Variants in NHEJ1 observed in about 807,000 individuals in gnomAD.
The protein encoded by NHEJ1 is non-homologous end joining factor 1, also known as non-homologous end-joining factor 1.
In NHEJ1, 22 loss-of-function variants were observed where a neutral mutation model predicts 39.4. The observed-to-expected ratio is 0.56, with a 90% CI of 0.40 to 0.80. NHEJ1 has a LOEUF of 0.80. Ranked by LOEUF, NHEJ1 falls within the 30% of genes least tolerant of loss-of-function variation. The pLI, the probability that NHEJ1 is intolerant of heterozygous loss-of-function variation, is 0.00. For synonymous variants in NHEJ1, 154 were observed against 135.6 expected (o/e 1.14, Z -0.94); for missense variants, 329 against 357.1 (o/e 0.92, Z 0.63).
At chr2:219,121,531 T>C (rs7561119) in intron 5 of NHEJ1, among the ~76,000 whole-genome samples, 14,618 of 152,184 alleles carry the variant, frequency 0.096, 719 homozygotes, top group East Asian at 0.13. Flanking sequence ...CGTGCATCTT[T>C]CACACGTGAC....
chr2:219,133,322 G>GT (rs1372722485), intron 5 of NHEJ1, among the ~76,000 whole-genome samples: 5 of 152,214 alleles, frequency 3.3e-5, no homozygotes, highest in African/African-American at 1.2e-4. Context: ...AAAACTTAGA[G>GT]GTCAGTTGTT....
chr2:219,146,379 A>G (rs949838580), intron 5 of NHEJ1, among the ~76,000 whole-genome samples: 2 of 152,222 alleles, frequency 1.3e-5, no homozygotes, highest in Non-Finnish European at 2.9e-5. Context: ...CAAAAATTTA[A>G]TAACTGGTCA....
intron 5 of NHEJ1, among the ~76,000 whole-genome samples, chr2:219,087,322 C>A (rs961318390): frequency 1.3e-5 from 2 of 151,600 alleles, no homozygotes; most frequent in Admixed American, 1.3e-4. Context: ...GATAGTCTGG[C>A]TCTGAAAGCT....
rs1178939074 is a variant in NHEJ1 at position 219,111,001 on chromosome 2, T to C, written c.589-32795A>G. ...CTTGGTGAAAAGGGACATGGGTAGA[T>C]AAGATGAGCTTAGTTTTAAAGTATT... On this transcript the variant is annotated intron_variant, in intron 5 of 7. Transcript: ENST00000356853. This position sits in a 1 kb window ranked among gnomAD's most constrained non-coding sequence, Gnocchi z 4.1. Among the ~76,000 whole-genome samples, 1 of 152,108 alleles carries C rather than the reference T, an allele frequency of 6.6e-6. No homozygotes were observed. The highest frequency in any genetic ancestry group is 1.5e-5 in the Non-Finnish European group (1 of 68,028).
intron 5 of NHEJ1, among the ~76,000 whole-genome samples, chr2:219,132,014 G>A (rs996879414): frequency 1.3e-4 from 20 of 152,342 alleles, no homozygotes; most frequent in African/African-American, 4.6e-4. Context: ...TCTATGTAGA[G>A]TTATTTTATC....
At chr2:219,144,076 C>T (rs1949713940) in intron 5 of NHEJ1, among the ~76,000 whole-genome samples, 1 of 152,074 alleles carries the variant, frequency 6.6e-6, no homozygotes. Flanking sequence ...TGGTGCATAC[C>T]TGTAATCCCA....
chr2:219,107,551 G>A (rs148385696), intron 5 of NHEJ1, among the ~76,000 whole-genome samples: 19 of 152,302 alleles, frequency 1.2e-4, no homozygotes, highest in African/African-American at 4.1e-4. Context: ...GACTGGCATC[G>A]TGGGGACAGA....
intron 5 of NHEJ1, among the ~76,000 whole-genome samples, chr2:219,136,937 T>TC (rs1181526231): frequency 6.6e-6 from 1 of 152,166 alleles, no homozygotes; most frequent in East Asian, 1.9e-4. Flanking sequence ...TCCTTTTTTT[T>TC]CTCTCTCAAA....
At chr2:219,139,169 C>A (rs1224517485) in intron 5 of NHEJ1, among the ~76,000 whole-genome samples, 1 of 151,900 alleles carries the variant, frequency 6.6e-6, no homozygotes, top group Non-Finnish European at 1.5e-5. Context: ...CTCACTGCAA[C>A]CTCTGCCTCC....
chr2:219,101,221 T>C (rs998252175), intron 5 of NHEJ1, among the ~76,000 whole-genome samples: 4 of 152,162 alleles, frequency 2.6e-5, no homozygotes, highest in African/African-American at 9.7e-5. Flanking sequence ...TTCAAGCAAT[T>C]ATCGTGCCTC....
chr2:219,105,448 TG>T (rs1229975984), intron 5 of NHEJ1, among the ~76,000 whole-genome samples: 1 of 152,238 alleles, frequency 6.6e-6, no homozygotes, highest in African/African-American at 2.4e-5. Context: ...ACATCCATTT[TG>T]ACAGCTCACT....
At chr2:219,090,310 T>C (rs1949149170) in intron 5 of NHEJ1, among the ~76,000 whole-genome samples, 1 of 152,186 alleles carries the variant, frequency 6.6e-6, no homozygotes, top group African/African-American at 2.4e-5. Flanking sequence ...CTCTAAGCCT[T>C]AGTTTCTTCA....
intron 5 of NHEJ1, among the ~76,000 whole-genome samples, chr2:219,080,381 C>T (rs901402805): frequency 6.6e-6 from 1 of 151,714 alleles, no homozygotes; most frequent in Non-Finnish European, 1.5e-5. Flanking sequence ...AAAAATTAGC[C>T]GGGCACGGTG....
At chr2:219,146,631 G>C (rs1419283855) in intron 5 of NHEJ1, 49 bp downstream of exon 5, 1 of 1,465,316 alleles carries the variant, frequency 6.8e-7, no homozygotes, top group South Asian at 1.1e-5. Flanking sequence ...CAGGCACCTG[G>C]AAAGAGGAAG....
chr2:219,113,800 C>A (rs949216020), intron 5 of NHEJ1, among the ~76,000 whole-genome samples: 35 of 152,320 alleles, frequency 2.3e-4, no homozygotes, highest in Admixed American at 8.5e-4. Flanking sequence ...GTATTCCATA[C>A]TTGGAATACC....
chr2:219,147,873 A>G (rs1574742313), intron 3 of NHEJ1, 78 bp from the exon 4 acceptor site: 1 of 1,418,860 alleles, frequency 7.0e-7, no homozygotes, highest in South Asian at 1.2e-5. Flanking sequence ...ACCAGAAAAA[A>G]TACCGAAAAA....
At chr2:219,149,556 C>T (rs1489450725) in intron 3 of NHEJ1, among the ~76,000 whole-genome samples, 4 of 152,062 alleles carry the variant, frequency 2.6e-5, no homozygotes, top group Admixed American at 2.0e-4. Context: ...GCAGAGGTTG[C>T]GGTGAGCCAA....
intron 5 of NHEJ1, among the ~76,000 whole-genome samples, chr2:219,084,560 G>A (rs1210321598): frequency 6.6e-6 from 1 of 152,206 alleles, no homozygotes; most frequent in Non-Finnish European, 1.5e-5. Flanking sequence ...TTTTGCATCA[G>A]AAGGTCCTGG....
chr2:219,142,981 A>G (rs1213301673), intron 5 of NHEJ1, among the ~76,000 whole-genome samples: 1 of 152,154 alleles, frequency 6.6e-6, no homozygotes, highest in African/African-American at 2.4e-5. Flanking sequence ...CCCCTGTTCA[A>G]TTCTTATTTT....
Sources: gnomAD v4.1 joint callset for allele counts (sites outside exome capture counted in the v4.1 genomes callset) on GRCh38, gnomAD v4.1.1 for gene constraint, Gnocchi (gnomAD v3.1) non-coding constraint, MANE v1.5 for transcripts, NCBI Gene and HGNC (gene_info 2026-07-23, HGNC 2026-07-21) for gene names.